Variants in CCBE1 observed in about 807,000 individuals in gnomAD.
CCBE1 encodes collagen and calcium binding EGF domains 1, also known as collagen and calcium-binding EGF domain-containing protein 1.
In CCBE1, 37 loss-of-function variants were observed where a neutral mutation model predicts 50.0. That is an observed-to-expected ratio of 0.74 (90% CI 0.57 to 0.97). The LOEUF (loss-of-function observed/expected upper bound fraction) is 0.97. CCBE1 is among the 50% of genes least tolerant of loss of function. The pLI is 0.00. For missense variants in CCBE1, 538 were observed against 523.8 expected (o/e 1.03, Z -0.26); for synonymous variants, 234 against 203.7 (o/e 1.15, Z -1.27).
At chr18:59,521,069 G>A in intron 2 of CCBE1, among the ~76,000 whole-genome samples, 1 of 152,198 alleles carries the variant, frequency 6.6e-6, no homozygotes, top group East Asian at 1.9e-4. Context: ...AGCCAGAAGT[G>A]CAGATTTTAC....
At chr18:59,574,099 G>A (rs2052955777) in intron 2 of CCBE1, among the ~76,000 whole-genome samples, 1 of 152,156 alleles carries the variant, frequency 6.6e-6, no homozygotes, top group Admixed American at 6.5e-5. Flanking sequence ...GCTACACCCA[G>A]GTGCCCAGTA....
intron 2 of CCBE1, chr18:59,568,409 G>T (rs2052861088): frequency 6.6e-6 from 1 of 152,190 alleles, no homozygotes; most frequent in Non-Finnish European, 1.5e-5. Flanking sequence ...CTTCTCGAAA[G>T]GAGCTAGCAC....
At chr18:59,625,116 A>C (rs528743512) in intron 2 of CCBE1, among the ~76,000 whole-genome samples, 1 of 152,340 alleles carries the variant, frequency 6.6e-6, no homozygotes, top group East Asian at 1.9e-4. Context: ...AGACAAGGTA[A>C]GGTCAACACA....
chr18:59,586,461 C>T (rs2053179322), intron 2 of CCBE1, among the ~76,000 whole-genome samples: 3 of 152,218 alleles, frequency 2.0e-5, no homozygotes, highest in African/African-American at 7.2e-5. Flanking sequence ...TTAGCTTCAA[C>T]AAGCATGCTT....
intron 2 of CCBE1, among the ~76,000 whole-genome samples, chr18:59,552,718 G>A (rs528938592): frequency 6.6e-6 from 1 of 152,350 alleles, no homozygotes; most frequent in African/African-American, 2.4e-5. Flanking sequence ...ATAATGTGAA[G>A]AGGCAGCTGA....
intron 2 of CCBE1, among the ~76,000 whole-genome samples, chr18:59,562,658 A>G (rs932372931): frequency 6.6e-6 from 1 of 152,154 alleles, no homozygotes; most frequent in African/African-American, 2.4e-5. Flanking sequence ...CACTTTTGTT[A>G]CCTGTTACTC....
At chr18:59,631,089 G>C (rs2053842957) in intron 2 of CCBE1, among the ~76,000 whole-genome samples, 1 of 152,094 alleles carries the variant, frequency 6.6e-6, no homozygotes, top group South Asian at 2.1e-4. Context: ...CGATTCAGGT[G>C]GTCCCATGAC....
At chr18:59,465,332 C>G (rs1911689274) in intron 5 of CCBE1, 1 of 128,676 alleles carries the variant, frequency 7.8e-6, no homozygotes, top group Admixed American at 8.4e-5. Context: ...TTTCTCCTTT[C>G]TCTTTCTTCT....
chr18:59,489,932 T>TA (rs1479878480), intron 2 of CCBE1, among the ~76,000 whole-genome samples: 1 of 149,116 alleles, frequency 6.7e-6, no homozygotes, highest in Non-Finnish European at 1.5e-5. Context: ...ATTACCTTTG[T>TA]AAAAAATAAA....
chr18:59,497,518 G>A (rs1349671374), intron 2 of CCBE1, among the ~76,000 whole-genome samples: 2 of 152,226 alleles, frequency 1.3e-5, no homozygotes, highest in South Asian at 4.1e-4. Flanking sequence ...TTTGTACAGT[G>A]TGATTTGGAT....
At chr18:59,663,391 C>T (rs2054311870) in intron 2 of CCBE1, among the ~76,000 whole-genome samples, 1 of 152,126 alleles carries the variant, frequency 6.6e-6, no homozygotes, top group Non-Finnish European at 1.5e-5. Context: ...CCTGATTTGC[C>T]TGAGACAGTG....
At chr18:59,506,497 C>A (rs1217198589) in intron 2 of CCBE1, among the ~76,000 whole-genome samples, 1 of 152,250 alleles carries the variant, frequency 6.6e-6, no homozygotes, top group Non-Finnish European at 1.5e-5. Flanking sequence ...TAACCAACCC[C>A]AGCAGAAGAA....
rs576876065 is a variant in CCBE1, at chr18:59,451,944, T to A, written c.654+2907A>T. On this transcript the variant is annotated intron_variant, in intron 6 of 10. Transcript: ENST00000439986. ...TCTCTTCCCCAACAAGTCACCACTT[T>A]CCTTTCATAGTAATAACTTCCTATG... Among the ~76,000 whole-genome samples the A allele has an allele frequency of 5.3e-3, 599 of 112,004 alleles. 4 individuals carry two copies. The highest frequency in any genetic ancestry group is 0.019 in the African/African-American group (562 of 28,910). 73.5% of individuals were successfully genotyped at this position (112,004 alleles called of 152,430 possible).
chr18:59,569,078 A>G (rs2851849), intron 2 of CCBE1, among the ~76,000 whole-genome samples: 29,247 of 152,170 alleles, frequency 0.19, 4,636 homozygotes, highest in African/African-American at 0.44. Context: ...GGTTATCTCC[A>G]AACGATGTTC....
intron 2 of CCBE1, 49 bp downstream of exon 2, chr18:59,696,580 C>A: frequency 1.2e-6 from 2 of 1,610,546 alleles, no homozygotes; most frequent in Non-Finnish European, 8.5e-7. Flanking sequence ...GCCTCCCCAG[C>A]CAGCCCCGGT....
At chr18:59,673,809 A>G (rs1323776585) in intron 2 of CCBE1, among the ~76,000 whole-genome samples, 1 of 152,204 alleles carries the variant, frequency 6.6e-6, no homozygotes, top group African/African-American at 2.4e-5. Context: ...ATCGTGGTAG[A>G]TAAGCTTTTG....
At chr18:59,587,788 G>C (rs781100212) in intron 2 of CCBE1, among the ~76,000 whole-genome samples, 47 of 152,116 alleles carry the variant, frequency 3.1e-4, no homozygotes, top group Non-Finnish European at 1.9e-4. Context: ...GAACCCAAAA[G>C]AATCTTGAAG....
intron 5 of CCBE1, among the ~76,000 whole-genome samples, chr18:59,456,220 C>A (rs541609662): frequency 5.9e-5 from 9 of 152,230 alleles, no homozygotes; most frequent in African/African-American, 2.2e-4. Context: ...GCCTAAGAAC[C>A]AGGCTCACTT....
intron 2 of CCBE1, among the ~76,000 whole-genome samples, chr18:59,578,859 T>G (rs776794429): frequency 2.6e-5 from 4 of 152,142 alleles, no homozygotes; most frequent in Non-Finnish European, 5.9e-5. Context: ...GATGACAGGT[T>G]GATGGGTGCA....
Sources: gnomAD v4.1 joint callset for allele counts (sites outside exome capture counted in the v4.1 genomes callset) on GRCh38, gnomAD v4.1.1 for gene constraint, MANE v1.5 for transcripts, NCBI Gene and HGNC (gene_info 2026-07-23, HGNC 2026-07-21) for gene names.